VOPP1: variants seen among roughly 807,000 people sequenced by gnomAD.
VOPP1 encodes VOPP1 WW domain binding protein.
VOPP1 carries 8 observed loss-of-function variants against 23.5 expected under a neutral mutation model. The ratio of observed to expected loss-of-function variants is 0.34; its 90% CI spans 0.20 to 0.61. The LOEUF is 0.61. Ranked by LOEUF, VOPP1 falls within the 20% of genes least tolerant of loss-of-function variation. The probability of loss-of-function intolerance (pLI) is 0.78; values close to 1 mark genes in which losing one functional copy is unlikely to be tolerated. For missense variants in VOPP1, 174 were observed against 238.1 expected, an observed-to-expected ratio of 0.73 and a Z score of 1.77; for synonymous variants, 83 against 97.3, an observed-to-expected ratio of 0.85 and a Z score of 0.86.
At chr7:55,473,954 T>C (rs999097067) in intron 4 of VOPP1, among the ~76,000 whole-genome samples, 1 of 152,218 alleles carries the variant, frequency 6.6e-6, no homozygotes, top group African/African-American at 2.4e-5. Context: ...CAGTGTGATA[T>C]AGTTCTGACT....
intron 1 of VOPP1, chr7:55,552,901 A>G: frequency 8.4e-7 from 1 of 1,195,582 alleles, no homozygotes; most frequent in Non-Finnish European, 1.1e-6. Context: ...AACCCGAAGA[A>G]AAAATTATAC....
At chr7:55,446,496 G>A (rs1406721974) in intron 4 of VOPP1, among the ~76,000 whole-genome samples, 1 of 152,004 alleles carries the variant, frequency 6.6e-6, no homozygotes, top group African/African-American at 2.4e-5. Context: ...ATCCTGTGAT[G>A]GAAAAAAATT....
At chr7:55,465,224 A>C (rs1791603556) in intron 4 of VOPP1, among the ~76,000 whole-genome samples, 1 of 152,186 alleles carries the variant, frequency 6.6e-6, no homozygotes, top group South Asian at 2.1e-4. Context: ...GGATGTACAA[A>C]ATACTGTTTA....
chr7:55,529,280 G>A (rs1323043987), intron 1 of VOPP1, among the ~76,000 whole-genome samples: 4 of 148,990 alleles, frequency 2.7e-5, no homozygotes, highest in Admixed American at 6.8e-5. Context: ...CAGGAGAATC[G>A]CTTGAACCTG....
At chr7:55,501,098 C>T (rs1794333380) in intron 2 of VOPP1, among the ~76,000 whole-genome samples, 1 of 152,258 alleles carries the variant, frequency 6.6e-6, no homozygotes, top group African/African-American at 2.4e-5. Flanking sequence ...AGCAACCACT[C>T]TTTAATGGTG....
chr7:55,475,008 A>G (rs1414727490), intron 4 of VOPP1, among the ~76,000 whole-genome samples: 3 of 152,194 alleles, frequency 2.0e-5, no homozygotes, highest in Non-Finnish European at 4.4e-5. Context: ...CTCTTTCTCT[A>G]CAGTTTCACA....
At chr7:55,466,269 G>A (rs1791629637), downstream of VOPP1, among the ~76,000 whole-genome samples, 1 of 152,208 alleles carries the variant, frequency 6.6e-6, no homozygotes, top group South Asian at 2.1e-4. Context: ...ATTGTGACAA[G>A]AATTCAAGCT....
intron 2 of VOPP1, among the ~76,000 whole-genome samples, chr7:55,512,052 A>T (rs1795104940): frequency 6.6e-6 from 1 of 152,242 alleles, no homozygotes; most frequent in African/African-American, 2.4e-5. Flanking sequence ...AGGCATCCCC[A>T]GGAAATATTC....
chr7:55,552,745 C>G, intron 1 of VOPP1: 1 of 1,533,908 alleles, frequency 6.5e-7, no homozygotes, highest in Non-Finnish European at 8.7e-7. Context: ...GTTGCCGGCA[C>G]ACGGAGTTCA....
chr7:55,441,860 C>A (rs1790973813), intron 4 of VOPP1, among the ~76,000 whole-genome samples: 1 of 152,174 alleles, frequency 6.6e-6, no homozygotes, highest in Non-Finnish European at 1.5e-5. Context: ...TCACACATGG[C>A]TGGCTCTTCT....
intron 2 of VOPP1, among the ~76,000 whole-genome samples, chr7:55,497,967 C>T (rs778844285): frequency 2.6e-5 from 4 of 152,192 alleles, no homozygotes; most frequent in East Asian, 3.9e-4. Flanking sequence ...GGATTCCTTC[C>T]GGGAGGTGGC....
At chr7:55,498,925 C>A (rs919188497) in intron 2 of VOPP1, among the ~76,000 whole-genome samples, 10 of 152,098 alleles carry the variant, frequency 6.6e-5, no homozygotes, top group African/African-American at 2.2e-4. Flanking sequence ...TTTGTAAACA[C>A]CCCGCACCCA....
chr7:55,453,024 T>C (rs548613434), intron 4 of VOPP1, among the ~76,000 whole-genome samples: 24 of 150,598 alleles, frequency 1.6e-4, no homozygotes, highest in African/African-American at 4.6e-4. Flanking sequence ...CTTCTTCCAG[T>C]AGAAGGCTGT....
intron 1 of VOPP1, among the ~76,000 whole-genome samples, chr7:55,570,707 C>T (rs1431982341): frequency 6.6e-6 from 1 of 152,028 alleles, no homozygotes; most frequent in Non-Finnish European, 1.5e-5. Flanking sequence ...TTTGGGAGGC[C>T]GAGGCGGGCG....
intron 2 of VOPP1, among the ~76,000 whole-genome samples, chr7:55,513,638 C>T (rs1795223637): frequency 6.6e-6 from 1 of 152,160 alleles, no homozygotes. Context: ...ATGCTGCAGG[C>T]CCAGGGAGAC....
In VOPP1 at chr7:55,521,590, A is replaced by T. The variant is rs563429509; in HGVS notation, c.55-460T>A. 1.6e-5 allele frequency: 16 copies of T among 987,764 alleles called. No individual in the cohort carries two copies. The South Asian group carries it at 7.0e-4, about 43-fold the overall frequency. The allele number at this position is 987,764 out of a possible 1,614,324, so 61.2% of individuals were successfully genotyped here. A position where few individuals can be genotyped will look rare whatever the true frequency, so the allele number is the denominator to read the frequency against. ...CCGCATTCCGACCTACGTCTGCAAG[A>T]TGCTGCGAGTCACGGTTCACTCGTT... On this transcript the variant is annotated intron_variant, in intron 1 of 4. Transcript: ENST00000285279.
At chr7:55,551,480 C>T (rs1030820421) in intron 1 of VOPP1, among the ~76,000 whole-genome samples, 3 of 152,306 alleles carry the variant, frequency 2.0e-5, no homozygotes, top group East Asian at 1.9e-4. Context: ...TCCCATCAGA[C>T]GCAAATAATT....
rs1465751922 is a variant in VOPP1 at position 55,497,624 on chromosome 7, C to T, written c.180G>A (p.Leu60=). The change falls in exon 3 of 5, where the codon CTG becomes CTA. Residue 60 remains leucine, a synonymous_variant. Transcript: ENST00000285279. ...CCVRALSIQR[L]WYFWFLLMMG... ...GAGTTGTGACCTACCAGAAGTACCA[C>T]AGCCTCTGTATGGAGAGGGCCCGCA... 1.2e-6 allele frequency: 2 copies of T among 1,612,026 alleles called. No homozygotes were observed. Among genetic ancestry groups the T allele is most frequent in the Non-Finnish European group, 1.7e-6 (2 of 1,179,328 alleles).
intron 2 of VOPP1, among the ~76,000 whole-genome samples, chr7:55,515,053 C>A (rs180784359): frequency 6.6e-6 from 1 of 152,176 alleles, no homozygotes; most frequent in African/African-American, 2.4e-5. Context: ...CATACAGGCA[C>A]GCCCTGTCAC....
Sources: allele counts gnomAD v4.1 joint callset (sites outside exome capture counted in the v4.1 genomes callset), GRCh38; gene constraint gnomAD v4.1.1; transcripts MANE v1.5; gene names NCBI Gene and HGNC (gene_info 2026-07-23, HGNC 2026-07-21).